VSIG10: variants seen among roughly 807,000 people sequenced by gnomAD.
The protein encoded by VSIG10 is V-set and immunoglobulin domain-containing protein 10.
VSIG10 carries 48 observed loss-of-function variants against 58.7 expected under a neutral mutation model. The observed-to-expected ratio is 0.82, with a 90% confidence interval of 0.65 to 1.04. VSIG10 has a LOEUF of 1.04. VSIG10 is among the 50% of genes least tolerant of loss of function. VSIG10 has a pLI of 0.00. For missense variants in VSIG10, 628 were observed against 670.0 expected (o/e 0.94, Z 0.69); for synonymous variants, 260 against 267.1 (o/e 0.97, Z 0.26).
chr12:118,081,240 G>A (rs1032918855), intron 3 of VSIG10, among the ~76,000 whole-genome samples: 5 of 151,928 alleles, frequency 3.3e-5, no homozygotes, highest in African/African-American at 4.8e-5. Context: ...AGCGAGACTC[G>A]GTCTCAAAAA....
rs573005528 is a variant in VSIG10, at chr12:118,070,097, G to C, written c.1346+955C>G. On this transcript the variant is annotated intron_variant, in intron 7 of 8. Coordinates refer to ENST00000359236, the MANE Select transcript of VSIG10 (RefSeq NM_019086.6). ...TATCCTGTCATTTTGAAGAGGTAAA[G>C]AACTGTTTTTCCATAGGATCATAGA... Among the ~76,000 whole-genome samples, 9 of 152,262 alleles carry C rather than the reference G, an allele frequency of 5.9e-5. No homozygotes were observed. The South Asian group carries it at 1.9e-3, about 32-fold the overall frequency.
chr12:118,091,947 C>T (rs1047708488), intron 2 of VSIG10, among the ~76,000 whole-genome samples: 3 of 152,010 alleles, frequency 2.0e-5, no homozygotes, highest in African/African-American at 4.8e-5. Context: ...TTTGTAGAAA[C>T]GGGGTTTCAC....
chr12:118,088,688 G>A (rs182754416), intron 2 of VSIG10, among the ~76,000 whole-genome samples: 2 of 152,054 alleles, frequency 1.3e-5, no homozygotes, highest in Non-Finnish European at 2.9e-5. Flanking sequence ...AGGCAGAGAG[G>A]AGTCTGCTGT....
Position 118,068,555 on chromosome 12 carries a change from T to C in VSIG10, c.1389A>G (p.Glu463=), listed in dbSNP as rs1566152777. ...MDDVMVLVDS[E]EEEEEEEEEE... ...CCTCCTCCTCCTCCTCCTCTTCCTC[T>C]TCTGAATCCACCAAAACCATGACAT... The change falls in exon 8 of 9, where the codon GAA becomes GAG. Residue 463 remains glutamate (E), a synonymous_variant. Coordinates refer to ENST00000359236, the MANE Select transcript of VSIG10 (RefSeq NM_019086.6). The C allele has an allele frequency of 6.3e-7, 1 of 1,593,998 alleles. No individual in the cohort carries two copies. The highest frequency in any genetic ancestry group is 8.6e-7 in the Non-Finnish European group (1 of 1,169,466).
intron 2 of VSIG10, among the ~76,000 whole-genome samples, chr12:118,082,641 T>C (rs2032996437): frequency 6.6e-6 from 1 of 152,016 alleles, no homozygotes; most frequent in South Asian, 2.1e-4. Flanking sequence ...GGGATAAATC[T>C]TTACAGAACA....
chr12:118,089,298 A>G (rs1334707265), intron 2 of VSIG10, among the ~76,000 whole-genome samples: 1 of 152,198 alleles, frequency 6.6e-6, no homozygotes, highest in Non-Finnish European at 1.5e-5. Context: ...CATTGCAACA[A>G]GACCTTGCCT....
At chr12:118,088,038 G>A (rs964205589) in intron 2 of VSIG10, among the ~76,000 whole-genome samples, 1 of 151,918 alleles carries the variant, frequency 6.6e-6, no homozygotes, top group African/African-American at 2.4e-5. Flanking sequence ...GAGGTTAGGA[G>A]TTCAAGACCA....
chr12:118,084,712 C>A (rs558460720), intron 2 of VSIG10, among the ~76,000 whole-genome samples: 13 of 152,240 alleles, frequency 8.5e-5, no homozygotes, highest in African/African-American at 2.6e-4. Context: ...AACCCCATCT[C>A]TACTAAAAAT....
chr12:118,084,094 T>C (rs1362033746), intron 2 of VSIG10, among the ~76,000 whole-genome samples: 2 of 152,068 alleles, frequency 1.3e-5, no homozygotes, highest in Admixed American at 6.6e-5. Context: ...CACTCCAGCC[T>C]GGGTGACACA....
chr12:118,068,457 T>C lies in VSIG10; in HGVS notation c.1487A>G (p.Lys496Arg). The C allele has an allele frequency of 6.2e-7, 1 of 1,613,938 alleles. No individual in the cohort carries two copies. Among genetic ancestry groups the C allele is most frequent in the Non-Finnish European group, 8.5e-7 (1 of 1,179,886 alleles). ...EREELPKEIP[K>R]QDHIHRVTAL... Reference sequence around the variant, plus strand: ...GGTCACTCTGTGAATGTGGTCCTGCTTAGGTATTTCTTTTGGCAACTCCTC... The same window carrying C: ...GGTCACTCTGTGAATGTGGTCCTGCCTAGGTATTTCTTTTGGCAACTCCTC... Residue 496 changes from lysine to arginine, a missense_variant, in exon 8 of 9, where the codon AAG (lysine) becomes AGG (arginine). Transcript: ENST00000359236.
rs2033425364 is a variant in VSIG10 at position 118,095,585 on chromosome 12, GC to G, written c.308del (p.Cys103SerfsTer5). On this transcript the variant is annotated frameshift_variant, in exon 2 of 9. Transcript: ENST00000359236. LOFTEE classifies it high-confidence loss of function. ...LSLGDEGIYT[C>X]QEILNVTQWF... ...ACTGAGTCACATTCAGGATCTCCTG[GC>G]AGGTGTAGATTCCCTCATCTCCCAG... The G allele has an allele frequency of 6.2e-7, 1 of 1,613,956 alleles. No individual in the cohort carries two copies. The highest frequency in any genetic ancestry group is 8.5e-7 in the Non-Finnish European group (1 of 1,179,890).
chr12:118,086,812 G>A (rs2033141714), intron 2 of VSIG10, among the ~76,000 whole-genome samples: 1 of 152,184 alleles, frequency 6.6e-6, no homozygotes, highest in Admixed American at 6.5e-5. Context: ...CCAGGCTGGA[G>A]TGCAGTGGTG....
At chr12:118,092,562 G>T (rs117190719) in intron 2 of VSIG10, among the ~76,000 whole-genome samples, 1 of 152,130 alleles carries the variant, frequency 6.6e-6, no homozygotes, top group East Asian at 1.9e-4. Context: ...GTAAATAAAT[G>T]AATGTGGCTA....
intron 1 of VSIG10, among the ~76,000 whole-genome samples, chr12:118,098,797 A>G (rs1162625115): frequency 6.6e-6 from 1 of 152,180 alleles, no homozygotes; most frequent in Non-Finnish European, 1.5e-5. Flanking sequence ...TTAGAAATAT[A>G]AATTATCAAG....
intron 2 of VSIG10, among the ~76,000 whole-genome samples, chr12:118,088,947 C>CT (rs150822972): frequency 0.016 from 2,312 of 142,326 alleles, 64 homozygotes; most frequent in African/African-American, 0.053. Context: ...ATTCCTTTTT[C>CT]TTTTTTTTTT....
chr12:118,090,950 C>T (rs1452684347), intron 2 of VSIG10, among the ~76,000 whole-genome samples: 1 of 152,088 alleles, frequency 6.6e-6, no homozygotes, highest in Non-Finnish European at 1.5e-5. Flanking sequence ...GCCTGGCCAA[C>T]ATGGAAAAAC....
At chr12:118,067,365 T>C (rs1205019899) in intron 8 of VSIG10, among the ~76,000 whole-genome samples, 1 of 152,050 alleles carries the variant, frequency 6.6e-6, no homozygotes, top group African/African-American at 2.4e-5. Context: ...TCAAATATCT[T>C]CCTGCAACAG....
chr12:118,084,042 C>G (rs563895364), intron 2 of VSIG10, among the ~76,000 whole-genome samples: 24 of 152,058 alleles, frequency 1.6e-4, no homozygotes, highest in African/African-American at 5.1e-4. Flanking sequence ...ATCACTTCAG[C>G]CCAGGAGGTG....
intron 3 of VSIG10, among the ~76,000 whole-genome samples, chr12:118,081,554 G>T (rs955699388): frequency 6.6e-6 from 1 of 151,884 alleles, no homozygotes; most frequent in African/African-American, 2.4e-5. Flanking sequence ...AAAAAAAAAA[G>T]AATGCATTAG....
Sources: allele counts gnomAD v4.1 joint callset (sites outside exome capture counted in the v4.1 genomes callset), GRCh38; gene constraint gnomAD v4.1.1; transcripts MANE v1.5; gene names NCBI Gene and HGNC (gene_info 2026-07-23, HGNC 2026-07-21).